ADGRV1: variants seen among roughly 807,000 people sequenced by gnomAD.
ADGRV1 encodes G-protein coupled receptor 98.
In ADGRV1, 359 loss-of-function variants were observed where a neutral mutation model predicts 596.2. That is an observed-to-expected ratio of 0.60 (90% CI 0.55 to 0.66). The LOEUF (loss-of-function observed/expected upper bound fraction) is 0.66. Among genes scored for constraint, ADGRV1 ranks in the 30% least tolerant of loss-of-function variants. The probability of loss-of-function intolerance (pLI) is 0.00; values close to 1 mark genes in which losing one functional copy is unlikely to be tolerated. For missense variants in ADGRV1, 7,274 were observed against 7,575.6 expected (o/e 0.96, Z 1.48); for synonymous variants, 2,681 against 2,679.2 (o/e 1.00, Z -0.02).
chr5:90,643,321 T>C (rs1767246518), intron 13 of ADGRV1, among the ~76,000 whole-genome samples: 1 of 151,310 alleles, frequency 6.6e-6, no homozygotes, highest in South Asian at 2.1e-4. Flanking sequence ...TTATTCATGT[T>C]AAGGCTTCCT....
intron 1 of ADGRV1, among the ~76,000 whole-genome samples, chr5:90,607,185 C>G (rs894698892): frequency 6.6e-6 from 1 of 152,162 alleles, no homozygotes; most frequent in African/African-American, 2.4e-5. Context: ...TAGTGATTCT[C>G]TTAGCAGATC....
intron 85 of ADGRV1, among the ~76,000 whole-genome samples, chr5:91,030,567 C>CTTTTAA (rs1784400144): frequency 1.3e-5 from 2 of 151,166 alleles, no homozygotes. Context: ...TTTGAGAGTT[C>CTTTTAA]TTTTTATGTT....
Position 90,840,885 on chromosome 5 carries a change from A to G in ADGRV1, c.16919A>G (p.Asn5640Ser). The part of the protein sequence containing the change: ...GLADQLHQPV[N>S]DDILNRVLHT... ...GCAGATCAGCTACATCAGCCTGTGA[A>G]TGATGATATTCTCAACAGAGTGCTC... is the stretch of plus-strand genomic sequence containing the variant. The change falls in exon 78 of 90, where the codon AAT becomes AGT. Residue 5640 changes from asparagine (N) to serine (S), a missense_variant. Asn to Ser is a conservative substitution (Grantham distance 46, BLOSUM62 1). This residue lies in a region of ADGRV1 where 1,874 missense variants were observed against 1,970.2 expected (regional missense o/e 0.95). Transcript: ENST00000405460. The G allele has an allele frequency of 1.2e-6, 2 of 1,602,664 alleles. No individual in the cohort carries two copies. Among genetic ancestry groups the G allele is most frequent in the Middle Eastern group, 1.7e-4 (1 of 5,994 alleles).
chr5:90,874,602 C>G (rs1159357388), intron 83 of ADGRV1, among the ~76,000 whole-genome samples: 1 of 151,972 alleles, frequency 6.6e-6, no homozygotes, highest in Non-Finnish European at 1.5e-5. Context: ...TGGCTCACAC[C>G]TGTAATCCCA....
intron 83 of ADGRV1, among the ~76,000 whole-genome samples, chr5:90,894,960 G>T (rs948225641): frequency 6.6e-6 from 1 of 151,932 alleles, no homozygotes; most frequent in Admixed American, 6.6e-5. Flanking sequence ...ACAGGGTCTT[G>T]CTCTGTCACC....
intron 21 of ADGRV1, among the ~76,000 whole-genome samples, chr5:90,668,482 G>A (rs988492359): frequency 2.0e-5 from 3 of 152,110 alleles, no homozygotes; most frequent in Admixed American, 6.5e-5. Context: ...CGCATGGTGC[G>A]CGCACCCACT....
chr5:91,110,598 T>G (rs1357934354), intron 87 of ADGRV1, among the ~76,000 whole-genome samples: 1 of 152,210 alleles, frequency 6.6e-6, no homozygotes, highest in East Asian at 1.9e-4. Flanking sequence ...TCTCTCACAC[T>G]TACTGTGTTA....
chr5:90,812,967 T>TAAAA (rs1397199546), intron 74 of ADGRV1, among the ~76,000 whole-genome samples: 105 of 150,432 alleles, frequency 7.0e-4, no homozygotes, highest in African/African-American at 1.9e-3. Context: ...CCATCTCTAC[T>TAAAA]AAAAAAATAC....
At chr5:90,706,715 GT>G (rs1477090184) in intron 38 of ADGRV1, among the ~76,000 whole-genome samples, 1 of 131,696 alleles carries the variant, frequency 7.6e-6, no homozygotes, top group Non-Finnish European at 1.6e-5. Context: ...GTTTACCTGA[GT>G]TTTTTTCTAT....
At chr5:90,764,348 C>T (rs1208267234) in intron 59 of ADGRV1, among the ~76,000 whole-genome samples, 1 of 152,170 alleles carries the variant, frequency 6.6e-6, no homozygotes, top group Admixed American at 6.5e-5. Context: ...TGTCTAAAGG[C>T]GGGGAGTTGG....
intron 86 of ADGRV1, among the ~76,000 whole-genome samples, chr5:91,091,406 T>C (rs553686425): frequency 1.2e-3 from 188 of 152,348 alleles, no homozygotes; most frequent in African/African-American, 4.5e-3. Flanking sequence ...GTAGCATGTC[T>C]TGTCAATTTT....
At position 90,840,651 on chromosome 5, in the gene ADGRV1, C is replaced by G; in HGVS notation, c.16685C>G (p.Thr5562Ser). 1 of 1,613,916 alleles carries G rather than the reference C, an allele frequency of 6.2e-7. No homozygotes were observed. Among genetic ancestry groups the G allele is most frequent in the Non-Finnish European group, 8.5e-7 (1 of 1,179,806 alleles). Residue 5562 changes from threonine (T) to serine (S), a missense_variant, in exon 78 of 90, where the codon ACT (threonine) becomes AGT (serine). Physicochemically the swap from Thr to Ser is moderately conservative, Grantham distance 58. This residue lies in a region of ADGRV1 where 1,874 missense variants were observed against 1,970.2 expected (regional missense o/e 0.95). Transcript: ENST00000405460. Reference sequence around the variant, plus strand: ...ATTTCTGGAAAGGATTTTGTGATAACTGAAGGCACATTGGTCTTTGAACCT... The same window carrying G: ...ATTTCTGGAAAGGATTTTGTGATAAGTGAAGGCACATTGGTCTTTGAACCT... ...PAISGKDFVI[T>S]EGTLVFEPGQ... is the part of the protein sequence containing the mutation.
At chr5:91,123,433 C>T (rs1447461731) in intron 87 of ADGRV1, among the ~76,000 whole-genome samples, 1 of 152,064 alleles carries the variant, frequency 6.6e-6, no homozygotes, top group African/African-American at 2.4e-5. Context: ...TGTGTCCTCA[C>T]ATGGCAGAAG....
rs368295787 is a variant in ADGRV1, at chr5:90,685,797, C to T, written c.6292C>T (p.Leu2098Phe). The change falls in exon 29 of 90, where the codon CTT becomes TTT. Residue 2098 changes from leucine (L) to phenylalanine (F), a missense_variant. Leu to Phe is a conservative substitution (Grantham distance 22, BLOSUM62 0). Around this residue, in one of 5 missense-constraint regions of ADGRV1, gnomAD observed 3,643 missense variants for 3,809.2 expected, o/e 0.96. Coordinates refer to ENST00000405460, the MANE Select transcript of ADGRV1 (RefSeq NM_032119.4). ...QSRSIPNSPR[L>F]GPKVETIAQL... is the part of the protein sequence containing the mutation. ...TCTTTCAGTTCCAAATTCTCCACGTCTTGGGCCTAAGGTAGAAACTATTGC... is the reference window on the plus strand; with the variant it reads ...TCTTTCAGTTCCAAATTCTCCACGTTTTGGGCCTAAGGTAGAAACTATTGC... 5.6e-6 allele frequency: 9 copies of T among 1,608,530 alleles called. No homozygotes were observed. Among genetic ancestry groups the T allele is most frequent in the Middle Eastern group, 3.3e-4 (2 of 6,074 alleles).
intron 88 of ADGRV1, 133 bp downstream of exon 88, chr5:91,150,354 C>T (rs928488241): frequency 1.1e-5 from 7 of 628,748 alleles, no homozygotes; most frequent in Non-Finnish European, 1.7e-5. Flanking sequence ...AGATGAATCA[C>T]ACTAGGTGAC....
chr5:91,094,461 T>TAA lies in ADGRV1; in HGVS notation c.18311-7743_18311-7742dup, dbSNP rs533784886. On this transcript the variant is annotated intron_variant, in intron 86 of 89. Transcript: ENST00000405460. Reference sequence around the variant, plus strand: ...GCAACAGAGTGAGAGTCCTTCTATGTAAAAAAAAAAAAAAAAGATGTTTCT... The same window carrying TAA: ...GCAACAGAGTGAGAGTCCTTCTATGTAAAAAAAAAAAAAAAAAAGATGTTTCT... Among the ~76,000 whole-genome samples, 814 of 129,142 alleles carry TAA rather than the reference T, an allele frequency of 6.3e-3. 7 individuals are homozygous for TAA. Among genetic ancestry groups the TAA allele is most frequent in the African/African-American group, 0.019 (680 of 35,966 alleles). 84.7% of individuals were successfully genotyped at this position (129,142 alleles called of 152,430 possible).
intron 34 of ADGRV1, 48 bp downstream of exon 34, chr5:90,697,194 GT>G (rs1478305909): frequency 6.7e-7 from 1 of 1,492,718 alleles, no homozygotes; most frequent in East Asian, 2.3e-5. Context: ...TTCTATGGAT[GT>G]TGTCTTTTGT....
chr5:90,940,175 C>T (rs1776051152), intron 83 of ADGRV1, among the ~76,000 whole-genome samples: 1 of 152,210 alleles, frequency 6.6e-6, no homozygotes, highest in Non-Finnish European at 1.5e-5. Context: ...TAAGAATCTA[C>T]CTCCCCTCAC....
intron 83 of ADGRV1, among the ~76,000 whole-genome samples, chr5:90,944,593 G>T (rs1193654403): frequency 6.6e-6 from 1 of 152,116 alleles, no homozygotes. Flanking sequence ...ATGTCAAGCA[G>T]TATTCACTTT....
Sources: gnomAD v4.1 joint callset for allele counts (sites outside exome capture counted in the v4.1 genomes callset) on GRCh38, gnomAD v4.1.1 for gene constraint, gnomAD v4.1.1 regional missense constraint, MANE v1.5 for transcripts, NCBI Gene and HGNC (gene_info 2026-07-23, HGNC 2026-07-21) for gene names.